The following DMD variants were observed in gnomAD, a reference collection of about 807,000 sequenced individuals.
The protein encoded by DMD is mutant dystrophin.
A neutral mutation model predicts 330.1 loss-of-function variants in DMD; 63 were observed. The observed-to-expected ratio is 0.19, with a 90% CI of 0.16 to 0.24. The LOEUF is 0.24. Among genes scored for constraint, DMD ranks in the 10% least tolerant of loss-of-function variants. The pLI is 1.00. For missense variants in DMD, 3,344 were observed against 2,684.1 expected (o/e 1.25, Z -5.43); for synonymous variants, 1,223 against 959.8 (o/e 1.27, Z -5.07).
At chrX:32,346,426 T>C (rs746217331) in intron 38 of DMD, among the ~76,000 whole-genome samples, 1 of 111,145 alleles carries the variant, frequency 9.0e-6, no homozygotes, top group Non-Finnish European at 1.9e-5. Flanking sequence ...ATTAGAGAAA[T>C]GAGCTAAAGT....
chrX:33,213,544 G>T (rs1470313294), upstream of DMD, among the ~76,000 whole-genome samples: 1 of 111,887 alleles, frequency 8.9e-6, no homozygotes, highest in Non-Finnish European at 1.9e-5. Context: ...TTAGTCCTCA[G>T]AATAACTACA....
chrX:32,417,850 A>G (rs2098172154), intron 29 of DMD, among the ~76,000 whole-genome samples: 1 of 110,294 alleles, frequency 9.1e-6, no homozygotes, highest in Non-Finnish European at 1.9e-5. Flanking sequence ...CACACAAATC[A>G]TAAACTCAAA....
chrX:32,721,752 A>C (rs184715765), intron 7 of DMD, among the ~76,000 whole-genome samples: 1 of 111,082 alleles, frequency 9.0e-6, no homozygotes, highest in African/African-American at 3.3e-5. Context: ...TATTCAAAAA[A>C]TCCTTGCAAA....
intron 51 of DMD, among the ~76,000 whole-genome samples, chrX:31,731,056 G>C (rs999968482): frequency 8.9e-6 from 1 of 111,850 alleles, no homozygotes; most frequent in Non-Finnish European, 1.9e-5. Flanking sequence ...TTTGGTAATA[G>C]TAAAATAATG....
chrX:31,744,089 A>G (rs1232447254), intron 51 of DMD, among the ~76,000 whole-genome samples: 1 of 111,112 alleles, frequency 9.0e-6, no homozygotes, highest in African/African-American at 3.3e-5. Flanking sequence ...ACTGGTCTCA[A>G]ACTTCTGGGC....
chrX:31,832,505 A>G (rs1014203095), intron 49 of DMD, among the ~76,000 whole-genome samples: 1 of 112,034 alleles, frequency 8.9e-6, no homozygotes, highest in Non-Finnish European at 1.9e-5. Context: ...TGCAGTTCAT[A>G]TCTGAGGAAA....
intron 50 of DMD, among the ~76,000 whole-genome samples, chrX:31,779,594 G>GTTT (rs2090894136): frequency 9.0e-6 from 1 of 111,547 alleles, no homozygotes; most frequent in Admixed American, 9.5e-5. Flanking sequence ...TTGTTTGTTT[G>GTTT]TTTTTTGCTC....
intron 1 of DMD, among the ~76,000 whole-genome samples, chrX:33,283,274 C>T (rs1223225954): frequency 8.9e-6 from 1 of 111,978 alleles, no homozygotes; most frequent in Non-Finnish European, 1.9e-5. Flanking sequence ...TGCGGTGGCT[C>T]ACGCCTGTAA....
intron 63 of DMD, among the ~76,000 whole-genome samples, chrX:31,231,324 ATATATT>A (rs2047179869): frequency 9.1e-6 from 1 of 110,176 alleles, no homozygotes; most frequent in South Asian, 3.7e-4. Context: ...TACATATTTT[ATATATT>A]TATAACATAT....
At chrX:31,736,384 C>T (rs975592348) in intron 51 of DMD, among the ~76,000 whole-genome samples, 5 of 110,850 alleles carry the variant, frequency 4.5e-5, no homozygotes, top group African/African-American at 1.3e-4. Context: ...AGTAGGGAAA[C>T]GACAAAGAAA....
intron 12 of DMD, among the ~76,000 whole-genome samples, chrX:32,610,103 T>G (rs757324339): frequency 9.0e-6 from 1 of 111,575 alleles, no homozygotes; most frequent in South Asian, 3.7e-4. Flanking sequence ...TTTGTCAACA[T>G]CACTAATAAA....
intron 51 of DMD, among the ~76,000 whole-genome samples, chrX:31,741,346 C>T (rs1021309077): frequency 2.7e-5 from 3 of 112,011 alleles, no homozygotes; most frequent in African/African-American, 9.7e-5. Flanking sequence ...TTATCCAGAT[C>T]CATCAGTGGA....
chrX:32,458,217 A>G (rs1286951479), intron 25 of DMD, among the ~76,000 whole-genome samples: 1 of 110,699 alleles, frequency 9.0e-6, no homozygotes, highest in Non-Finnish European at 1.9e-5. Flanking sequence ...GGTCTTACAC[A>G]CTGTGCCTTT....
chrX:32,573,686 C>T (rs770443860), intron 14 of DMD, 49 bp from the exon 15 acceptor site: 1 of 1,196,440 alleles, frequency 8.4e-7, no homozygotes, highest in South Asian at 1.8e-5. Flanking sequence ...TAAATCTTTA[C>T]TTTTCCAATT....
intron 1 of DMD, among the ~76,000 whole-genome samples, chrX:33,036,800 CAT>C (rs201611566): frequency 0.1 from 7,774 of 76,197 alleles, 698 homozygotes; most frequent in African/African-American, 0.3. Context: ...AACATGAATG[CAT>C]GTGTGTGTAT....
At chrX:31,523,043 C>G (rs780107729) in intron 55 of DMD, among the ~76,000 whole-genome samples, 1 of 111,085 alleles carries the variant, frequency 9.0e-6, no homozygotes, top group African/African-American at 3.3e-5. Context: ...GAGAATCACC[C>G]AGAGGGCTCA....
chrX:32,090,386 T>A (rs1169334368), intron 44 of DMD, among the ~76,000 whole-genome samples: 2 of 111,899 alleles, frequency 1.8e-5, no homozygotes, highest in Non-Finnish European at 3.8e-5. Flanking sequence ...GAAGAGTGTC[T>A]TCAGATTACA....
intron 67 of DMD, among the ~76,000 whole-genome samples, chrX:31,186,240 A>C (rs769414228): frequency 1.6e-4 from 18 of 112,302 alleles, no homozygotes; most frequent in Non-Finnish European, 3.2e-4. Flanking sequence ...CCAAAGACCT[A>C]GAATCAATCT....
intron 1 of DMD, among the ~76,000 whole-genome samples, chrX:33,164,807 C>A (rs1315948271): frequency 1.8e-5 from 2 of 110,884 alleles, no homozygotes; most frequent in Non-Finnish European, 3.8e-5. Context: ...GCTAATAGAT[C>A]ATTGCACTCT....
Sources: allele counts gnomAD v4.1 joint callset (sites outside exome capture counted in the v4.1 genomes callset), GRCh38; gene constraint gnomAD v4.1.1; transcripts MANE v1.5; gene names NCBI Gene and HGNC (gene_info 2026-07-23, HGNC 2026-07-21).